The following GALNT13 variants were observed in gnomAD, a reference collection of about 807,000 sequenced individuals.
The protein encoded by GALNT13 is UDP-GalNAc:polypeptide N-acetylgalactosaminyltransferase 13.
GALNT13 carries 28 observed loss-of-function variants against 64.2 expected under a neutral mutation model. The observed-to-expected ratio is 0.44, with a 90% confidence interval of 0.32 to 0.60. The LOEUF (loss-of-function observed/expected upper bound fraction) is 0.60. Among genes scored for constraint, GALNT13 ranks in the 20% least tolerant of loss-of-function variants. GALNT13 has a pLI of 0.05. For missense variants in GALNT13, 577 were observed against 669.8 expected (o/e 0.86, Z 1.53); for synonymous variants, 214 against 224.6 (o/e 0.95, Z 0.42).
chr2:153,144,385 C>T, the GALNT13 span, among the ~76,000 whole-genome samples: 1 of 151,916 alleles, frequency 6.6e-6, no homozygotes, highest in African/African-American at 2.4e-5. Context: ...CTCTAAGATG[C>T]TTTTTGAATA....
chr2:153,203,263 G>A, the GALNT13 span, among the ~76,000 whole-genome samples: 1 of 152,104 alleles, frequency 6.6e-6, no homozygotes, highest in African/African-American at 2.4e-5. Context: ...GGTAAGGTGA[G>A]GTCTATTCGT....
the GALNT13 span, among the ~76,000 whole-genome samples, chr2:153,359,998 G>C: frequency 6.6e-6 from 1 of 152,174 alleles, no homozygotes; most frequent in Non-Finnish European, 1.5e-5. Context: ...AATAGCGGTG[G>C]GGCCAAGATG....
At chr2:154,020,638 C>T (rs75227556) in intron 3 of GALNT13, among the ~76,000 whole-genome samples, 4 of 150,522 alleles carry the variant, frequency 2.7e-5, no homozygotes, top group Admixed American at 2.6e-4. Flanking sequence ...AATTTTCTCC[C>T]ATTTTGTAGG....
At chr2:154,009,519 C>T (rs1273976217) in intron 3 of GALNT13, among the ~76,000 whole-genome samples, 5 of 135,720 alleles carry the variant, frequency 3.7e-5, no homozygotes, top group African/African-American at 1.1e-4. Flanking sequence ...TTTTTTGAGG[C>T]GGAGTCTCAC....
At chr2:153,577,695 T>C in the GALNT13 span, among the ~76,000 whole-genome samples, 4 of 151,972 alleles carry the variant, frequency 2.6e-5, no homozygotes, top group Non-Finnish European at 4.4e-5. Flanking sequence ...GACTATTGGC[T>C]TTCAGTCCAC....
At chr2:154,146,856 C>T (rs1265749801) in intron 4 of GALNT13, among the ~76,000 whole-genome samples, 1 of 152,088 alleles carries the variant, frequency 6.6e-6, no homozygotes, top group African/African-American at 2.4e-5. Context: ...CACTTCTCCA[C>T]AATTTATCAC....
the GALNT13 span, among the ~76,000 whole-genome samples, chr2:153,264,395 T>A: frequency 5.3e-5 from 8 of 152,190 alleles, no homozygotes; most frequent in South Asian, 1.7e-3. Flanking sequence ...CTCAAAGACC[T>A]AGAGACAGAA....
At chr2:153,631,658 GT>G in the GALNT13 span, among the ~76,000 whole-genome samples, 1 of 152,076 alleles carries the variant, frequency 6.6e-6, no homozygotes, top group Admixed American at 6.5e-5. Flanking sequence ...TGATGGGGTT[GT>G]TTTTTTCTTG....
At chr2:154,177,881 G>A (rs1685740630) in intron 4 of GALNT13, among the ~76,000 whole-genome samples, 1 of 151,944 alleles carries the variant, frequency 6.6e-6, no homozygotes, top group South Asian at 2.1e-4. Context: ...CCTTTTTGAA[G>A]GGCCAAGGAC....
At chr2:153,132,266 G>C in the GALNT13 span, among the ~76,000 whole-genome samples, 1 of 152,260 alleles carries the variant, frequency 6.6e-6, no homozygotes, top group South Asian at 2.1e-4. Flanking sequence ...GAAGCACAAA[G>C]AGCAAGAGAA....
the GALNT13 span, among the ~76,000 whole-genome samples, chr2:153,228,869 C>CAAAAAA: frequency 1.5e-5 from 1 of 68,630 alleles, no homozygotes; most frequent in Non-Finnish European, 2.7e-5. Flanking sequence ...GAGACTGTCT[C>CAAAAAA]AAAAAAAAAA....
chr2:153,906,698 A>G (rs577712632), intron 2 of GALNT13, among the ~76,000 whole-genome samples: 16 of 151,938 alleles, frequency 1.1e-4, no homozygotes, highest in African/African-American at 2.9e-4. Flanking sequence ...TAGTGCTGCA[A>G]TAAACATACG....
Position 154,341,842 on chromosome 2 carries a change from C to A in GALNT13, c.1156+40253C>A, listed in dbSNP as rs573204374. ...GAGCAGTTGGTCTTATTGTGATAAT[C>A]CAGGTGAGAGATTATGATAATAGTA... is the stretch of plus-strand genomic sequence containing the variant. On this transcript the variant is annotated intron_variant, in intron 9 of 12. Coordinates refer to ENST00000392825, the MANE Select transcript of GALNT13 (RefSeq NM_052917.4). 8.4e-4 allele frequency among the ~76,000 whole-genome samples: 128 copies of A among 152,038 alleles called. 1 individual carries two copies. The highest frequency in any genetic ancestry group is 2.9e-3 in the African/African-American group (120 of 41,490).
the GALNT13 span, among the ~76,000 whole-genome samples, chr2:153,435,003 T>C: frequency 6.6e-6 from 1 of 152,224 alleles, no homozygotes; most frequent in Non-Finnish European, 1.5e-5. Context: ...AATTAATTTT[T>C]GTATACTGTG....
chr2:153,994,797 C>T (rs1266290032), intron 3 of GALNT13, among the ~76,000 whole-genome samples: 2 of 151,954 alleles, frequency 1.3e-5, no homozygotes, highest in Non-Finnish European at 2.9e-5. Flanking sequence ...TGTTTGAGTT[C>T]TTCATAGATT....
the GALNT13 span, among the ~76,000 whole-genome samples, chr2:153,655,562 T>G: frequency 6.6e-6 from 1 of 152,128 alleles, no homozygotes; most frequent in Non-Finnish European, 1.5e-5. Flanking sequence ...GTTTGAAAAC[T>G]CTTATCCTAA....
the GALNT13 span, among the ~76,000 whole-genome samples, chr2:153,748,446 G>T: frequency 1.2e-4 from 19 of 152,044 alleles, no homozygotes; most frequent in African/African-American, 3.6e-4. Context: ...ATTTGTTATT[G>T]TCTGTCTTTT....
intron 11 of GALNT13, among the ~76,000 whole-genome samples, chr2:154,413,408 T>TA (rs1307231582): frequency 6.6e-6 from 1 of 152,026 alleles, no homozygotes; most frequent in Non-Finnish European, 1.5e-5. Context: ...CATATGGATT[T>TA]AAAACCTCAT....
intron 3 of GALNT13, among the ~76,000 whole-genome samples, chr2:154,009,746 T>C (rs1696501992): frequency 6.6e-6 from 1 of 152,152 alleles, no homozygotes; most frequent in East Asian, 1.9e-4. Context: ...CGCCTCGGCC[T>C]CCCAAGGTAT....
Sources: allele counts gnomAD v4.1 joint callset (sites outside exome capture counted in the v4.1 genomes callset), GRCh38; gene constraint gnomAD v4.1.1; transcripts MANE v1.5; gene names NCBI Gene and HGNC (gene_info 2026-07-23, HGNC 2026-07-21).